Variants in DENND5A observed in about 807,000 individuals in gnomAD.
DENND5A encodes DENN domain-containing protein 5A.
A neutral mutation model predicts 140.3 loss-of-function variants in DENND5A; 64 were observed. The observed-to-expected ratio is 0.46, with a 90% CI of 0.37 to 0.56. The LOEUF (loss-of-function observed/expected upper bound fraction) is 0.56. DENND5A is among the 20% of genes least tolerant of loss of function. DENND5A has a pLI of 0.00. For synonymous variants in DENND5A, 605 were observed against 607.7 expected, an observed-to-expected ratio of 1.00 and a Z score of 0.07; for missense variants, 1,292 against 1,593.8, an observed-to-expected ratio of 0.81 and a Z score of 3.22.
rs1404089626 is a variant in DENND5A, at chr11:9,139,597, A to G, written c.*74T>C. ...TCTCCTACTCCTGCACAATCGCTTA[A>G]GTCCCTTTGGGAAAAAAGGTCAGAG... On this transcript the variant is annotated 3_prime_UTR_variant, in exon 23 of 23. Coordinates refer to ENST00000328194, the MANE Select transcript of DENND5A (RefSeq NM_015213.4). 1 of 1,438,274 alleles carries G rather than the reference A, an allele frequency of 7.0e-7. No homozygotes were observed. Among genetic ancestry groups the G allele is most frequent in the Non-Finnish European group, 9.5e-7 (1 of 1,050,392 alleles). 89.1% of individuals were successfully genotyped at this position (1,438,274 alleles called of 1,614,324 possible).
At chr11:9,246,721 T>C (rs1018273412) in intron 1 of DENND5A, among the ~76,000 whole-genome samples, 2 of 151,790 alleles carry the variant, frequency 1.3e-5, no homozygotes, top group African/African-American at 4.8e-5. Flanking sequence ...TCCCCCTAAC[T>C]AGTTATCATT....
intron 1 of DENND5A, among the ~76,000 whole-genome samples, chr11:9,229,883 C>A (rs71476817): frequency 1.4e-5 from 2 of 142,450 alleles, no homozygotes; most frequent in Non-Finnish European, 3.1e-5. Context: ...GTCTTCATTT[C>A]TGAAAGCTCC....
intron 4 of DENND5A, among the ~76,000 whole-genome samples, chr11:9,203,141 G>A (rs1278125503): frequency 6.6e-6 from 1 of 152,128 alleles, no homozygotes; most frequent in African/African-American, 2.4e-5. Context: ...GTAAGCATCT[G>A]TTTCTTTCTA....
chr11:9,144,641 T>A (rs1245182294), intron 18 of DENND5A, among the ~76,000 whole-genome samples: 1 of 151,788 alleles, frequency 6.6e-6, no homozygotes, highest in Non-Finnish European at 1.5e-5. Context: ...AACACAAAAT[T>A]AGCTGGGCGT....
At chr11:9,140,589 T>G (rs922576758) in intron 22 of DENND5A, among the ~76,000 whole-genome samples, 1 of 152,198 alleles carries the variant, frequency 6.6e-6, no homozygotes, top group African/African-American at 2.4e-5. Flanking sequence ...TGTACTAATA[T>G]GAAAAGAATC....
At chr11:9,231,715 C>CAAAAAAAAAAAAAAAAAAAAAAAAAAAA (rs71062818) in intron 1 of DENND5A, among the ~76,000 whole-genome samples, 1 of 78,956 alleles carries the variant, frequency 1.3e-5, no homozygotes. Context: ...AACTCCGTCT[C>CAAAAAAAAAAAAAAAAAAAAAAAAAAAA]AAAAAAAAAA....
At chr11:9,218,781 G>C (rs1293215456) in intron 1 of DENND5A, among the ~76,000 whole-genome samples, 1 of 152,120 alleles carries the variant, frequency 6.6e-6, no homozygotes, top group African/African-American at 2.4e-5. Context: ...TGAGACAGGT[G>C]GATCACCTGA....
chr11:9,152,258 A>C, intron 13 of DENND5A, 100 bp downstream of exon 13: 2 of 908,792 alleles, frequency 2.2e-6, no homozygotes, highest in Non-Finnish European at 3.7e-6. Flanking sequence ...CCAGAGCAAA[A>C]GCTTCTTCGA....
At chr11:9,180,296 A>T (rs1020957766) in intron 6 of DENND5A, among the ~76,000 whole-genome samples, 3 of 152,092 alleles carry the variant, frequency 2.0e-5, no homozygotes, top group East Asian at 1.9e-4. Flanking sequence ...TACAAAAAAA[A>T]AATAATAATA....
chr11:9,252,066 G>A (rs140379129), intron 1 of DENND5A, among the ~76,000 whole-genome samples: 55 of 151,578 alleles, frequency 3.6e-4, no homozygotes, highest in African/African-American at 1.3e-3. Flanking sequence ...TTGGGAGGCC[G>A]AGGCGGGCGG....
In DENND5A at chr11:9,180,811, G is replaced by A. The variant is rs747018631; in HGVS notation, c.1411C>T (p.Arg471Trp). 27 of 1,614,034 alleles carry A rather than the reference G, an allele frequency of 1.7e-5. No individual in the cohort carries two copies. Among genetic ancestry groups the A allele is most frequent in the Non-Finnish European group, 2.1e-5 (25 of 1,180,034 alleles). Residue 471 changes from arginine to tryptophan, a missense_variant, in exon 6 of 23, where the codon CGG becomes TGG. Coordinates refer to ENST00000328194, the MANE Select transcript of DENND5A (RefSeq NM_015213.4). The part of the protein sequence containing the change: ...ELLKENETIA[R>W]LQALVKRTGV... ...GTTCTCTTGACCAAGGCTTGCAGCC[G>A]GGCAATAGTTTCATTCTCCTTAAGA...
rs954497786 is a variant in DENND5A at position 9,141,991 on chromosome 11, C to CG, written c.3628dup (p.Arg1210ProfsTer31). 1 of 1,605,826 alleles carries CG rather than the reference C, an allele frequency of 6.2e-7. No individual in the cohort carries two copies. Among genetic ancestry groups the CG allele is most frequent in the Non-Finnish European group, 8.5e-7 (1 of 1,176,600 alleles). ...AAACTTGCCATCCTTGCCGATGTTC[C>CG]GGGGAGTATTGTTGATTGCAGTGAC... On this transcript the variant is annotated frameshift_variant, in exon 22 of 23. Coordinates refer to ENST00000328194, the MANE Select transcript of DENND5A (RefSeq NM_015213.4). LOFTEE classifies it high-confidence loss of function.
chr11:9,147,409 T>C (rs1241764291), intron 15 of DENND5A, among the ~76,000 whole-genome samples: 2 of 152,192 alleles, frequency 1.3e-5, no homozygotes, highest in African/African-American at 4.8e-5. Context: ...ATATCAAGTG[T>C]CAGAAGTCAT....
chr11:9,260,234 G>A (rs1267050870), intron 1 of DENND5A, among the ~76,000 whole-genome samples: 2 of 151,954 alleles, frequency 1.3e-5, no homozygotes, highest in Non-Finnish European at 2.9e-5. Context: ...TCAATGCTAG[G>A]TGCAGATCAG....
chr11:9,264,439 A>C (rs1852351230), intron 1 of DENND5A, among the ~76,000 whole-genome samples: 1 of 152,150 alleles, frequency 6.6e-6, no homozygotes, highest in East Asian at 1.9e-4. Context: ...TTATTACTTC[A>C]TATCCCATCC....
chr11:9,249,420 C>A (rs1320419811), intron 1 of DENND5A, among the ~76,000 whole-genome samples: 1 of 152,168 alleles, frequency 6.6e-6, no homozygotes, highest in Non-Finnish European at 1.5e-5. Flanking sequence ...GGCTGGAATG[C>A]AGTGGCTCAA....
chr11:9,164,358 A>G (rs1053041330), intron 11 of DENND5A, among the ~76,000 whole-genome samples: 3 of 151,374 alleles, frequency 2.0e-5, no homozygotes, highest in African/African-American at 7.3e-5. Flanking sequence ...CTGCCAATCT[A>G]GCTTTAAACA....
chr11:9,203,814 G>C lies in DENND5A; in HGVS notation c.795C>G (p.Val265=). 1 of 1,614,144 alleles carries C rather than the reference G, an allele frequency of 6.2e-7. No individual in the cohort carries two copies. ...GTCTCTGGCAGATTATTGGCCCATA[G>C]ACCCCAGAAAACTTCAAGGACCGGC... is the stretch of plus-strand genomic sequence containing the variant. The part of the protein sequence containing the change: ...PPGRSLKFSG[V]YGPIICQRPS... Residue 265 remains valine, a synonymous_variant, in exon 4 of 23, where the codon GTC becomes GTG. Transcript: ENST00000328194.
At chr11:9,174,130 G>GA (rs1158117473) in intron 8 of DENND5A, among the ~76,000 whole-genome samples, 2 of 94,228 alleles carry the variant, frequency 2.1e-5, no homozygotes, top group South Asian at 3.5e-4. Flanking sequence ...AAAAAAAAAA[G>GA]AAAAAAAAAT....
Sources: allele counts gnomAD v4.1 joint callset (sites outside exome capture counted in the v4.1 genomes callset), GRCh38; gene constraint gnomAD v4.1.1; transcripts MANE v1.5; gene names NCBI Gene and HGNC (gene_info 2026-07-23, HGNC 2026-07-21).